The following CERS6 variants were observed in gnomAD, a reference collection of about 807,000 sequenced individuals.
CERS6 encodes the protein LAG1 homolog, ceramide synthase 6.
In CERS6, 26 loss-of-function variants were observed where a neutral mutation model predicts 56.8. The ratio of observed to expected loss-of-function variants is 0.46; its 90% CI spans 0.34 to 0.63. CERS6 has a LOEUF of 0.63. Ranked by LOEUF, CERS6 falls within the 30% of genes least tolerant of loss-of-function variation. The probability of loss-of-function intolerance (pLI) is 0.01; values close to 1 mark genes in which losing one functional copy is unlikely to be tolerated. For missense variants in CERS6, 415 were observed against 467.5 expected (o/e 0.89, Z 1.04); for synonymous variants, 164 against 173.3 (o/e 0.95, Z 0.42).
intron 1 of CERS6, among the ~76,000 whole-genome samples, chr2:168,524,380 A>G (rs1263468705): frequency 6.6e-6 from 1 of 152,204 alleles, no homozygotes; most frequent in Non-Finnish European, 1.5e-5. Flanking sequence ...GAAGAAATTA[A>G]GGAAAAAGAC....
At chr2:168,587,988 G>A (rs1413105485) in intron 3 of CERS6, among the ~76,000 whole-genome samples, 2 of 151,888 alleles carry the variant, frequency 1.3e-5, no homozygotes, top group African/African-American at 2.4e-5. Flanking sequence ...ATGCAGTGGC[G>A]CAGTTATAGC....
intron 8 of CERS6, among the ~76,000 whole-genome samples, chr2:168,736,709 A>C (rs1190893380): frequency 1.3e-5 from 2 of 152,250 alleles, no homozygotes; most frequent in Non-Finnish European, 2.9e-5. Context: ...AAAGTGAAGA[A>C]TAATCCAGCT....
intron 3 of CERS6, among the ~76,000 whole-genome samples, chr2:168,605,966 G>A (rs1684042994): frequency 1.3e-5 from 2 of 152,194 alleles, no homozygotes; most frequent in African/African-American, 2.4e-5. Flanking sequence ...CCCACACAGA[G>A]TCCCCACTGG....
intron 8 of CERS6, among the ~76,000 whole-genome samples, chr2:168,739,729 G>A (rs1167751837): frequency 6.6e-6 from 1 of 151,762 alleles, no homozygotes; most frequent in Non-Finnish European, 1.5e-5. Context: ...ACTGCCTTCT[G>A]TGGTATGAAG....
chr2:168,759,362 A>G (rs1174541586), intron 8 of CERS6, among the ~76,000 whole-genome samples: 1 of 152,212 alleles, frequency 6.6e-6, no homozygotes. Context: ...AGGTTTGGGC[A>G]GAACAAACCC....
intron 4 of CERS6, among the ~76,000 whole-genome samples, chr2:168,637,004 T>C (rs1312637829): frequency 6.6e-6 from 1 of 152,192 alleles, no homozygotes; most frequent in Admixed American, 6.5e-5. Flanking sequence ...AAATCAGTAA[T>C]GTAGACTATC....
At chr2:168,615,838 C>T (rs984712425) in intron 3 of CERS6, among the ~76,000 whole-genome samples, 13 of 152,084 alleles carry the variant, frequency 8.5e-5, no homozygotes, top group African/African-American at 9.7e-5. Context: ...TTGCTAGAGC[C>T]GTAGACATCC....
intron 3 of CERS6, among the ~76,000 whole-genome samples, chr2:168,595,684 G>T (rs144371079): frequency 6.6e-6 from 1 of 152,110 alleles, no homozygotes; most frequent in African/African-American, 2.4e-5. Context: ...GCAGCAAATT[G>T]TAATGGTTTG....
chr2:168,465,824 G>T (rs1025897742), intron 1 of CERS6, among the ~76,000 whole-genome samples: 1 of 152,120 alleles, frequency 6.6e-6, no homozygotes, highest in Non-Finnish European at 1.5e-5. Context: ...ACATAGAACA[G>T]TGCACTTAAC....
At chr2:168,701,283 G>C (rs1242650905) in intron 6 of CERS6, among the ~76,000 whole-genome samples, 1 of 152,170 alleles carries the variant, frequency 6.6e-6, no homozygotes, top group African/African-American at 2.4e-5. Flanking sequence ...AATATGGCTA[G>C]TTATCATTTC....
At chr2:168,578,288 A>G (rs1402833131) in intron 3 of CERS6, among the ~76,000 whole-genome samples, 1 of 152,144 alleles carries the variant, frequency 6.6e-6, no homozygotes, top group East Asian at 1.9e-4. Flanking sequence ...AAACCAACCT[A>G]TGGAGCCTAC....
chr2:168,688,480 T>A (rs1006333277), intron 4 of CERS6, among the ~76,000 whole-genome samples: 2 of 151,980 alleles, frequency 1.3e-5, no homozygotes, highest in African/African-American at 4.8e-5. Flanking sequence ...TACACCAGTG[T>A]TGAGCTATAA....
Position 168,535,990 on chromosome 2 carries a change from A to G in CERS6, c.171-11606A>G, listed in dbSNP as rs143326898. On this transcript the variant is annotated intron_variant, in intron 1 of 9. Transcript: ENST00000305747. ...TCTTTTGCCCATTTTTCTGTTGATC[A>G]TCAAAAATCTTTAAAAATGTGAAAA... Among the ~76,000 whole-genome samples the G allele has an allele frequency of 3.2e-3, 491 of 152,032 alleles. 4 individuals carry two copies. The highest frequency in any genetic ancestry group is 0.011 in the African/African-American group (456 of 41,458).
At chr2:168,630,929 T>C in intron 3 of CERS6, 56 bp from the exon 4 acceptor site, 1 of 781,530 alleles carries the variant, frequency 1.3e-6, no homozygotes, top group Non-Finnish European at 2.1e-6. Flanking sequence ...CATATTTCAG[T>C]ATATGCTGTG....
chr2:168,754,355 T>A (rs1684360752), intron 8 of CERS6, among the ~76,000 whole-genome samples: 1 of 152,182 alleles, frequency 6.6e-6, no homozygotes, highest in Non-Finnish European at 1.5e-5. Flanking sequence ...AACTAAATAA[T>A]ACATAATATT....
At chr2:168,689,542 A>G (rs1434104913) in intron 4 of CERS6, among the ~76,000 whole-genome samples, 1 of 152,168 alleles carries the variant, frequency 6.6e-6, no homozygotes, top group Non-Finnish European at 1.5e-5. Flanking sequence ...AAAACACAGT[A>G]AGCCTCCCAA....
intron 3 of CERS6, among the ~76,000 whole-genome samples, chr2:168,582,478 G>A (rs1158017577): frequency 6.6e-6 from 1 of 152,064 alleles, no homozygotes; most frequent in African/African-American, 2.4e-5. Flanking sequence ...GTTTTAAATA[G>A]AGAGCAAGGG....
chr2:168,741,450 C>T (rs1408273424), intron 8 of CERS6, among the ~76,000 whole-genome samples: 2 of 151,674 alleles, frequency 1.3e-5, no homozygotes, highest in Non-Finnish European at 2.9e-5. Context: ...TTTTGGCTTC[C>T]CTGGGCCGCT....
intron 1 of CERS6, among the ~76,000 whole-genome samples, chr2:168,506,890 T>G (rs557058991): frequency 1.3e-5 from 2 of 152,338 alleles, no homozygotes; most frequent in East Asian, 1.9e-4. Flanking sequence ...TAGGTTATAA[T>G]AATATATATT....
Sources: allele counts gnomAD v4.1 joint callset (sites outside exome capture counted in the v4.1 genomes callset), GRCh38; gene constraint gnomAD v4.1.1; transcripts MANE v1.5; gene names NCBI Gene and HGNC (gene_info 2026-07-23, HGNC 2026-07-21).